The following LYPD6 variants were observed in gnomAD, a reference collection of about 807,000 sequenced individuals.
The protein encoded by LYPD6 is LY6/PLAUR domain containing 6, also known as ly6/PLAUR domain-containing protein 6.
Under a neutral mutation model 22.7 loss-of-function variants are expected in LYPD6, and 15 were observed. The ratio of observed to expected loss-of-function variants is 0.66; its 90% CI spans 0.44 to 1.02. The LOEUF is 1.02. Ranked by LOEUF, LYPD6 falls within the 50% of genes least tolerant of loss-of-function variation. The pLI is 0.00. For synonymous variants in LYPD6, 72 were observed against 77.5 expected, an observed-to-expected ratio of 0.93 and a Z score of 0.37; for missense variants, 189 against 208.4, an observed-to-expected ratio of 0.91 and a Z score of 0.57.
chr2:149,373,409 G>A (rs1313459793), intron 1 of LYPD6, among the ~76,000 whole-genome samples: 3 of 152,140 alleles, frequency 2.0e-5, no homozygotes, highest in African/African-American at 7.2e-5. Flanking sequence ...CACTTTGGGA[G>A]AGAGCATAGA....
intron 3 of LYPD6, among the ~76,000 whole-genome samples, chr2:149,450,006 C>T (rs1243501514): frequency 6.6e-6 from 1 of 152,138 alleles, no homozygotes; most frequent in Non-Finnish European, 1.5e-5. Context: ...GGTATTCTGC[C>T]TCTTGTGGAG....
intron 2 of LYPD6, among the ~76,000 whole-genome samples, chr2:149,446,201 T>A (rs1271062122): frequency 6.6e-6 from 1 of 152,054 alleles, no homozygotes; most frequent in African/African-American, 2.4e-5. Context: ...CCCCAAACAA[T>A]TATAATAGTA....
intron 2 of LYPD6, among the ~76,000 whole-genome samples, chr2:149,447,886 A>G: frequency 6.6e-6 from 1 of 152,250 alleles, no homozygotes; most frequent in East Asian, 1.9e-4. Flanking sequence ...CTATAATCCC[A>G]GCAGTTTGGG....
chr2:149,470,338 G>C (rs1224114905), intron 4 of LYPD6, among the ~76,000 whole-genome samples: 1 of 152,174 alleles, frequency 6.6e-6, no homozygotes. Context: ...TAGTCAGAAA[G>C]AGCCTCATGG....
At chr2:149,335,734 G>A (rs1681023258) in intron 1 of LYPD6, among the ~76,000 whole-genome samples, 1 of 152,074 alleles carries the variant, frequency 6.6e-6, no homozygotes, top group South Asian at 2.1e-4. Flanking sequence ...CTATATAGGT[G>A]TATCTTTTTT....
At chr2:149,345,768 T>A (rs891957466) in intron 1 of LYPD6, among the ~76,000 whole-genome samples, 1 of 152,172 alleles carries the variant, frequency 6.6e-6, no homozygotes, top group African/African-American at 2.4e-5. Context: ...ATTTTAAAAC[T>A]CCAAATTGCA....
intron 1 of LYPD6, among the ~76,000 whole-genome samples, chr2:149,401,764 T>A (rs967857837): frequency 6.6e-6 from 1 of 152,186 alleles, no homozygotes; most frequent in African/African-American, 2.4e-5. Flanking sequence ...TTTGGTTACA[T>A]GAATAAGTTC....
intron 1 of LYPD6, among the ~76,000 whole-genome samples, chr2:149,378,002 G>T (rs935675678): frequency 4.6e-5 from 7 of 152,068 alleles, no homozygotes; most frequent in Non-Finnish European, 8.8e-5. Flanking sequence ...TCTATATATT[G>T]TCTCTTCCTT....
intron 4 of LYPD6, among the ~76,000 whole-genome samples, 169 bp downstream of exon 4, chr2:149,468,944 C>A (rs914617915): frequency 1.1e-4 from 16 of 152,212 alleles, no homozygotes; most frequent in African/African-American, 3.6e-4. Context: ...AAAGAATACA[C>A]ATTTATACCA....
chr2:149,387,272 A>G (rs1682210170), intron 1 of LYPD6, among the ~76,000 whole-genome samples: 4 of 152,212 alleles, frequency 2.6e-5, no homozygotes, highest in Admixed American at 6.5e-5. Context: ...CAGCAGAATG[A>G]GAAAGAAAAT....
In LYPD6 at chr2:149,413,798, A is replaced by G. The variant is rs534037720; in HGVS notation, c.-71-23840A>G. On this transcript the variant is annotated intron_variant, in intron 1 of 4. Transcript: ENST00000334166. ...GACAGTACCTGGCAATTGATTTGCT[A>G]TGTGACTGTGGGTTTTGGGGAAGAA... Among the ~76,000 whole-genome samples, 3 of 152,344 alleles carry G rather than the reference A, an allele frequency of 2.0e-5. No homozygotes were observed. The East Asian group carries it at 5.8e-4, about 29-fold the overall frequency.
chr2:149,365,577 C>T (rs1681644995), intron 1 of LYPD6, among the ~76,000 whole-genome samples: 1 of 151,806 alleles, frequency 6.6e-6, no homozygotes, highest in Non-Finnish European at 1.5e-5. Context: ...TCTGTGTGCT[C>T]ATTTAGAATT....
chr2:149,351,871 G>A (rs190698818), intron 1 of LYPD6, among the ~76,000 whole-genome samples: 8 of 151,858 alleles, frequency 5.3e-5, no homozygotes, highest in African/African-American at 1.7e-4. Context: ...CATGGTAGGT[G>A]GTGCAGGATA....
At chr2:149,406,537 C>G (rs1332005287) in intron 1 of LYPD6, among the ~76,000 whole-genome samples, 3 of 152,156 alleles carry the variant, frequency 2.0e-5, no homozygotes, top group African/African-American at 7.2e-5. Context: ...TCTGTTTTAT[C>G]AGAGACTAGG....
At chr2:149,414,467 T>C (rs1484870027) in intron 1 of LYPD6, among the ~76,000 whole-genome samples, 2 of 152,222 alleles carry the variant, frequency 1.3e-5, no homozygotes, top group Non-Finnish European at 2.9e-5. Context: ...GATGGTACTA[T>C]TCTTTGAAAA....
intron 1 of LYPD6, 46 bp from the exon 2 acceptor site, chr2:149,437,592 G>A (rs1683460983): frequency 3.9e-6 from 6 of 1,529,822 alleles, no homozygotes; most frequent in Non-Finnish European, 5.3e-6. Flanking sequence ...GCCTCCTGTG[G>A]CTTTCTCCAG....
intron 1 of LYPD6, among the ~76,000 whole-genome samples, chr2:149,437,286 A>G (rs531740185): frequency 6.6e-6 from 1 of 152,254 alleles, no homozygotes; most frequent in East Asian, 1.9e-4. Flanking sequence ...TCTCAGGGAA[A>G]TGCTTCTGAG....
rs745964336 is a variant in LYPD6 at position 149,472,853 on chromosome 2, A to G, written c.*2003A>G. 5.9e-5 allele frequency: 9 copies of G among 152,600 alleles called. No homozygotes were observed. Among genetic ancestry groups the G allele is most frequent in the Non-Finnish European group, 1.2e-4 (8 of 68,016 alleles). The allele number at this position is 152,600 out of a possible 1,614,324, so 9.5% of individuals were successfully genotyped here. On this transcript the variant is annotated 3_prime_UTR_variant, in exon 5 of 5. Coordinates refer to ENST00000334166, the MANE Select transcript of LYPD6 (RefSeq NM_194317.5). ...GATGATGTGGGATTGAAGAGGAAAG[A>G]AAGGTGGGATTATCCCCCTAGGAAG... is the stretch of plus-strand genomic sequence containing the variant.
chr2:149,407,113 G>C (rs969013560), intron 1 of LYPD6, among the ~76,000 whole-genome samples: 1 of 152,186 alleles, frequency 6.6e-6, no homozygotes, highest in Non-Finnish European at 1.5e-5. Context: ...CTGTTAGTCT[G>C]ATGGGCTTCC....
Sources: gnomAD v4.1 joint callset for allele counts (sites outside exome capture counted in the v4.1 genomes callset) on GRCh38, gnomAD v4.1.1 for gene constraint, MANE v1.5 for transcripts, NCBI Gene and HGNC (gene_info 2026-07-23, HGNC 2026-07-21) for gene names.